GUCA1A: variants seen among roughly 807,000 people sequenced by gnomAD.
GUCA1A encodes the protein guanylate cyclase activator 1A, also known as guanylyl cyclase-activating protein 1.
A neutral mutation model predicts 18.5 loss-of-function variants in GUCA1A; 14 were observed. The ratio of observed to expected loss-of-function variants is 0.76; its 90% confidence interval spans 0.50 to 1.18. The LOEUF (loss-of-function observed/expected upper bound fraction) is 1.18. Among genes scored for constraint, GUCA1A ranks in the 50% most tolerant of loss-of-function variants. The pLI is 0.00. For missense variants in GUCA1A, 264 were observed against 262.4 expected, an observed-to-expected ratio of 1.01 and a Z score of -0.04; for synonymous variants, 97 against 100.2, an observed-to-expected ratio of 0.97 and a Z score of 0.19.
At chr6:42,175,597 T>C (rs1338349088) in intron 1 of GUCA1A, among the ~76,000 whole-genome samples, 1 of 152,080 alleles carries the variant, frequency 6.6e-6, no homozygotes. Context: ...ACTCTTGACC[T>C]CAGGTGATCC....
In GUCA1A at chr6:42,173,574, C is replaced by T. The variant is rs772602229; in HGVS notation, c.-40C>T. ...TTTGGGCGAGGAGCAGCGAACAGGG[C>T]CTGTCCATCTCAGACGTCAGCCCCC... On this transcript the variant is annotated 5_prime_UTR_variant, in exon 1 of 4. Coordinates refer to ENST00000372958, the MANE Select transcript of GUCA1A (RefSeq NM_001384910.1). 6.6e-7 allele frequency: 1 copy of T among 1,525,216 alleles called. No homozygotes were observed. Among genetic ancestry groups the T allele is most frequent in the East Asian group, 2.2e-5 (1 of 44,474 alleles). 94.5% of individuals were successfully genotyped at this position (1,525,216 alleles called of 1,614,324 possible).
At position 42,179,602 on chromosome 6, in the gene GUCA1A, G is replaced by A; in HGVS notation, c.*199G>A. 1.9e-6 allele frequency: 1 copy of A among 522,490 alleles called. No individual in the cohort carries two copies. Among genetic ancestry groups the A allele is most frequent in the Non-Finnish European group, 3.4e-6 (1 of 297,584 alleles). The allele number at this position is 522,490 out of a possible 1,614,324, so 32.4% of individuals were successfully genotyped here. A position where few individuals can be genotyped will look rare whatever the true frequency, so the allele number is the denominator to read the frequency against. ...GTGAAGGATGGTTCCTGGCCCCTCT[G>A]AGTGACAGCTGGTGGCAGCACTCCT... On this transcript the variant is annotated 3_prime_UTR_variant, in exon 4 of 4. Coordinates refer to ENST00000372958, the MANE Select transcript of GUCA1A (RefSeq NM_001384910.1).
At chr6:42,178,248 A>G (rs1768009809) in intron 1 of GUCA1A, 32 bp from the exon 2 acceptor site, 1 of 1,612,262 alleles carries the variant, frequency 6.2e-7, no homozygotes, top group African/African-American at 1.3e-5. Flanking sequence ...CGGGGCCCGG[A>G]TGGGCTCACG....
At chr6:42,177,099 C>T (rs905102839) in intron 1 of GUCA1A, among the ~76,000 whole-genome samples, 1 of 152,112 alleles carries the variant, frequency 6.6e-6, no homozygotes. Context: ...GCTTTGCTTA[C>T]TTCAAATGTT....
In GUCA1A at chr6:42,173,772, C is replaced by T; in HGVS notation, c.159C>T (p.Ser53=). The change falls in exon 1 of 4, where the codon AGC becomes AGT. Residue 53 remains serine (S), a synonymous_variant. Transcript: ENST00000372958. ...TCAAGAACCTGAGCCCGTCGGCCAG[C>T]CAGTACGTGGAACAGATGTTTGAGA... ...FGLKNLSPSA[S]QYVEQMFETF... 1.2e-6 allele frequency: 2 copies of T among 1,614,068 alleles called. No individual in the cohort carries two copies. Among genetic ancestry groups the T allele is most frequent in the Non-Finnish European group, 1.7e-6 (2 of 1,179,936 alleles).
intron 1 of GUCA1A, among the ~76,000 whole-genome samples, chr6:42,177,779 G>A (rs1767996081): frequency 6.6e-6 from 1 of 152,170 alleles, no homozygotes; most frequent in Non-Finnish European, 1.5e-5. Flanking sequence ...CCACTGTGGG[G>A]TTCAGAGTGT....
In GUCA1A at chr6:42,176,675, C is replaced by T. The variant is rs547863954; in HGVS notation, c.202-1605C>T. ...TCTCGAACTCCTGACCTCAGGTGAT[C>T]CACCTGCCTCGGCCTCCCAAAGTGC... On this transcript the variant is annotated intron_variant, in intron 1 of 3. Transcript: ENST00000372958. 5.3e-5 allele frequency among the ~76,000 whole-genome samples: 8 copies of T among 152,236 alleles called. No homozygotes were observed. The South Asian group carries it at 1.7e-3, about 32-fold the overall frequency.
chr6:42,178,431 T>A lies in GUCA1A; in HGVS notation c.351+2T>A, dbSNP rs1768019383. The A allele has an allele frequency of 6.2e-7, 1 of 1,613,340 alleles. No individual in the cohort carries two copies. Among genetic ancestry groups the A allele is most frequent in the East Asian group, 2.2e-5 (1 of 44,868 alleles). Reference sequence around the variant, plus strand: ...GATGAGCTGCTCACCATCATCCAGGTGCAGAGGGCCCGGCCAGGGCTGGGG... The same window carrying A: ...GATGAGCTGCTCACCATCATCCAGGAGCAGAGGGCCCGGCCAGGGCTGGGG... On this transcript the variant is annotated splice_donor_variant, in intron 2 of 3. Transcript: ENST00000372958. LOFTEE classifies it high-confidence loss of function.
chr6:42,179,339 G>T lies in GUCA1A; in HGVS notation c.542G>T (p.Arg181Leu). 4 of 1,613,548 alleles carry T rather than the reference G, an allele frequency of 2.5e-6. No homozygotes were observed. The highest frequency in any genetic ancestry group is 3.4e-6 in the Non-Finnish European group (4 of 1,179,644). Residue 181 changes from arginine (R) to leucine (L), a missense_variant, in exon 4 of 4, where the codon CGC becomes CTC. Coordinates refer to ENST00000372958, the MANE Select transcript of GUCA1A (RefSeq NM_001384910.1). ...AGCCTGGACCTTACCCGCATCGTGC[G>T]CAGGCTCCAGAATGGCGAGCAAGAC... ...TRSLDLTRIV[R>L]RLQNGEQDEE...
At chr6:42,178,945 G>A (rs1026475564) in intron 3 of GUCA1A, 50 bp downstream of exon 3, 4 of 1,323,806 alleles carry the variant, frequency 3.0e-6, no homozygotes, top group Non-Finnish European at 4.4e-6. Context: ...CCATGGATGT[G>A]GGGTCACCAG....
At chr6:42,175,293 C>CGGTGGG (rs1767925303) in intron 1 of GUCA1A, among the ~76,000 whole-genome samples, 1 of 143,526 alleles carries the variant, frequency 7.0e-6, no homozygotes, top group African/African-American at 2.5e-5. Flanking sequence ...CATATGACGC[C>CGGTGGG]GGTGGGGGTG....
At chr6:42,176,168 T>C (rs1489834761) in intron 1 of GUCA1A, among the ~76,000 whole-genome samples, 1 of 152,176 alleles carries the variant, frequency 6.6e-6, no homozygotes, top group African/African-American at 2.4e-5. Flanking sequence ...ATAATATTCA[T>C]TGTATGAGTG....
At position 42,173,998 on chromosome 6, in the gene GUCA1A, AT is replaced by A. The variant is rs1767885931; in HGVS notation, c.201+185del. ...TGACACTAGGGTTTCAACGGATCTA[AT>A]GTTTGTGCTTTAATGAGCACCAACT... On this transcript the variant is annotated intron_variant, in intron 1 of 3. Coordinates refer to ENST00000372958, the MANE Select transcript of GUCA1A (RefSeq NM_001384910.1). Among the ~76,000 whole-genome samples the A allele has an allele frequency of 3.9e-5, 6 of 152,314 alleles. No homozygotes were observed. In the South Asian group the frequency reaches 1.0e-3, roughly 26 times the overall value.
intron 3 of GUCA1A, 127 bp from the exon 4 acceptor site, chr6:42,179,116 C>G (rs759204327): frequency 1.5e-5 from 15 of 985,096 alleles, no homozygotes; most frequent in Non-Finnish European, 2.4e-5. Flanking sequence ...TTGCTGCACC[C>G]GCAGCAGGGG....
chr6:42,179,145 T>A, intron 3 of GUCA1A, 98 bp from the exon 4 acceptor site: 1 of 1,130,668 alleles, frequency 8.8e-7, no homozygotes, highest in South Asian at 1.2e-5. Flanking sequence ...TCTCCTCACG[T>A]GGGCTCTGTC....
At position 42,179,348 on chromosome 6, in the gene GUCA1A, A is replaced by G. The variant is rs149998844; in HGVS notation, c.551A>G (p.Gln184Arg). The change falls in exon 4 of 4, where the codon CAG (glutamine) becomes CGG (arginine). Residue 184 changes from glutamine (Q) to arginine (R), a missense_variant. By Grantham distance (43) the Gln-to-Arg change is conservative (BLOSUM62 1). Coordinates refer to ENST00000372958, the MANE Select transcript of GUCA1A (RefSeq NM_001384910.1). ...LDLTRIVRRL[Q>R]NGEQDEEGAD... ...CTTACCCGCATCGTGCGCAGGCTCC[A>G]GAATGGCGAGCAAGACGAGGAGGGG... The G allele has an allele frequency of 4.6e-5, 75 of 1,613,200 alleles. No homozygotes were observed. The East Asian group carries it at 1.6e-3, about 35-fold the overall frequency.
chr6:42,178,289 A>T lies in GUCA1A; in HGVS notation c.211A>T (p.Ile71Phe). ...CGCGCCCCTCGCCCAGGACGGCTAC[A>T]TTGATTTCATGGAGTACGTGGCAGC... ...ETFDFNKDGY[I>F]DFMEYVAALS... is the part of the protein sequence containing the mutation. Residue 71 changes from isoleucine (I) to phenylalanine (F), a missense_variant, in exon 2 of 4, where the codon ATT (isoleucine) becomes TTT (phenylalanine). Physicochemically the swap from Ile to Phe is conservative, Grantham distance 21. Transcript: ENST00000372958. The T allele has an allele frequency of 6.2e-7, 1 of 1,613,980 alleles. No individual in the cohort carries two copies. The highest frequency in any genetic ancestry group is 8.5e-7 in the Non-Finnish European group (1 of 1,180,020).
At chr6:42,178,747 CCT>C (rs1428148781) in intron 2 of GUCA1A, 53 bp from the exon 3 acceptor site, 3 of 1,336,988 alleles carry the variant, frequency 2.2e-6, no homozygotes, top group Non-Finnish European at 3.2e-6. Context: ...CAATCCTACC[CCT>C]GAGATAGGAT....
At chr6:42,178,194 C>A in intron 1 of GUCA1A, 86 bp from the exon 2 acceptor site, 1 of 1,506,416 alleles carries the variant, frequency 6.6e-7, no homozygotes, top group Admixed American at 1.7e-5. Context: ...CCGAGATGGG[C>A]GGAGCCTTGG....
Sources: gnomAD v4.1 joint callset for allele counts (sites outside exome capture counted in the v4.1 genomes callset) on GRCh38, gnomAD v4.1.1 for gene constraint, MANE v1.5 for transcripts, NCBI Gene and HGNC (gene_info 2026-07-23, HGNC 2026-07-21) for gene names.